The following PCDH15 variants were observed in gnomAD, a reference collection of about 807,000 sequenced individuals.
The protein encoded by PCDH15 is protocadherin related 15.
A neutral mutation model predicts 178.5 loss-of-function variants in PCDH15; 129 were observed. That is an observed-to-expected ratio of 0.72 (90% CI 0.63 to 0.84). The LOEUF is 0.84. Among genes scored for constraint, PCDH15 ranks in the 40% least tolerant of loss-of-function variants. PCDH15 has a pLI of 0.00. For synonymous variants in PCDH15, 800 were observed against 732.0 expected, an observed-to-expected ratio of 1.09 and a Z score of -1.50; for missense variants, 2,230 against 2,099.9, an observed-to-expected ratio of 1.06 and a Z score of -1.21.
At chr10:54,020,083 T>C (rs555375847) in intron 20 of PCDH15, 109 bp downstream of exon 20, 119 of 898,728 alleles carry the variant, frequency 1.3e-4, no homozygotes, top group Non-Finnish European at 1.7e-4. Context: ...CTGGTACCAC[T>C]GTGTCATTAG....
intron 10 of PCDH15, among the ~76,000 whole-genome samples, chr10:54,209,088 T>C (rs976344060): frequency 6.6e-6 from 1 of 152,090 alleles, no homozygotes; most frequent in Non-Finnish European, 1.5e-5. Flanking sequence ...ATTAGCTTTT[T>C]CATTTTCACG....
At chr10:53,922,441 T>C (rs2084080564) in intron 25 of PCDH15, among the ~76,000 whole-genome samples, 1 of 152,178 alleles carries the variant, frequency 6.6e-6, no homozygotes, top group Non-Finnish European at 1.5e-5. Context: ...TTGAAGATTA[T>C]AAAGGTTAGA....
intron 3 of PCDH15, among the ~76,000 whole-genome samples, chr10:54,452,048 G>A (rs946283725): frequency 1.3e-4 from 20 of 151,608 alleles, no homozygotes; most frequent in Admixed American, 8.6e-4. Flanking sequence ...TATATATTTC[G>A]TATATATCAT....
intron 2 of PCDH15, among the ~76,000 whole-genome samples, chr10:54,542,564 A>C (rs747779987): frequency 6.6e-6 from 1 of 152,300 alleles, no homozygotes; most frequent in Non-Finnish European, 1.5e-5. Context: ...TCCATACATC[A>C]CATCTTGCTT....
intron 3 of PCDH15, among the ~76,000 whole-genome samples, chr10:54,451,485 T>C (rs1352906659): frequency 6.6e-6 from 1 of 151,942 alleles, no homozygotes; most frequent in African/African-American, 2.4e-5. Context: ...GCATCTGCGT[T>C]TTGGAAAGTT....
intron 3 of PCDH15, among the ~76,000 whole-genome samples, chr10:54,453,201 C>A (rs1444812611): frequency 6.6e-6 from 1 of 152,050 alleles, no homozygotes; most frequent in African/African-American, 2.4e-5. Flanking sequence ...AAGACACATG[C>A]ACATGTATGT....
intron 3 of PCDH15, among the ~76,000 whole-genome samples, chr10:54,870,267 C>T (rs959106070): frequency 6.6e-6 from 1 of 152,092 alleles, no homozygotes; most frequent in South Asian, 2.1e-4. Context: ...ATTCAGCTAC[C>T]ATGCTCATGA....
chr10:54,059,053 A>G (rs1164627456), intron 18 of PCDH15, among the ~76,000 whole-genome samples: 1 of 151,756 alleles, frequency 6.6e-6, no homozygotes, highest in Non-Finnish European at 1.5e-5. Context: ...CCCATCCTCC[A>G]CCACCACCAC....
chr10:54,844,954 T>A (rs1471857867), intron 3 of PCDH15, among the ~76,000 whole-genome samples: 2 of 151,980 alleles, frequency 1.3e-5, no homozygotes, highest in Admixed American at 6.6e-5. Context: ...GCAGGCTTTT[T>A]AAAATTACCA....
intron 1 of PCDH15, among the ~76,000 whole-genome samples, chr10:54,671,571 A>T (rs2135509566): frequency 6.6e-6 from 1 of 152,274 alleles, no homozygotes; most frequent in Non-Finnish European, 1.5e-5. Context: ...AGGACAATAA[A>T]ATCCATTTTA....
intron 2 of PCDH15, among the ~76,000 whole-genome samples, chr10:55,575,048 C>CA (rs1842471832): frequency 6.6e-6 from 1 of 152,012 alleles, no homozygotes. Context: ...CTTTTACTCA[C>CA]AAAAATCAGA....
chr10:55,083,563 G>C (rs1048073029), intron 2 of PCDH15, among the ~76,000 whole-genome samples: 5 of 151,840 alleles, frequency 3.3e-5, no homozygotes, highest in South Asian at 2.1e-4. Context: ...GTCCTAATTA[G>C]TGTAATCAGA....
rs767978121 is a variant in PCDH15, at chr10:53,986,578, A to G, written c.2868+9071T>C. 1.2e-4 allele frequency among the ~76,000 whole-genome samples: 19 copies of G among 152,212 alleles called. 1 individual carries two copies. The highest frequency in any genetic ancestry group is 7.4e-5 in the Non-Finnish European group (5 of 68,024). On this transcript the variant is annotated intron_variant, in intron 21 of 37. Coordinates refer to ENST00000644397, the MANE Select transcript of PCDH15 (RefSeq NM_001384140.1). ...TATCCAAGATGTGGAAACAGACTAAATGTTCATTGATGGATGAGTGGATAA... is the reference window on the plus strand; with the variant it reads ...TATCCAAGATGTGGAAACAGACTAAGTGTTCATTGATGGATGAGTGGATAA...
At chr10:54,562,120 A>G (rs1392633587) in intron 2 of PCDH15, among the ~76,000 whole-genome samples, 2 of 149,792 alleles carry the variant, frequency 1.3e-5, no homozygotes, top group Non-Finnish European at 2.9e-5. Context: ...CCTCCCAAGT[A>G]GCTGTGAATA....
chr10:54,062,235 AAAAAAAAAAAAAAAAAACAAAAAAC>A (rs1260917472), intron 18 of PCDH15, among the ~76,000 whole-genome samples: 1 of 93,348 alleles, frequency 1.1e-5, no homozygotes, highest in Admixed American at 1.3e-4. Context: ...CTCAAAAAAA[AAAAAAAAAAAAAAAAAACAAAAAAC>A]AACTAAATGA....
At chr10:54,491,177 G>T (rs986801928) in intron 3 of PCDH15, among the ~76,000 whole-genome samples, 1 of 152,048 alleles carries the variant, frequency 6.6e-6, no homozygotes, top group African/African-American at 2.4e-5. Context: ...ATCAGAAAAG[G>T]GTATCTTGTA....
At chr10:54,214,280 TA>T (rs1265241000) in intron 9 of PCDH15, among the ~76,000 whole-genome samples, 1 of 152,196 alleles carries the variant, frequency 6.6e-6, no homozygotes, top group Non-Finnish European at 1.5e-5. Context: ...AAATTTTTTT[TA>T]TTAAGAGGGC....
At position 54,261,833 on chromosome 10, in the gene PCDH15, G is replaced by T. The variant is rs575274541; in HGVS notation, c.877-24902C>A. Among the ~76,000 whole-genome samples, 3 of 152,282 alleles carry T rather than the reference G, an allele frequency of 2.0e-5. No individual in the cohort carries two copies. In the South Asian group the frequency reaches 6.2e-4, roughly 32 times the overall value. On this transcript the variant is annotated intron_variant, in intron 8 of 37. Coordinates refer to ENST00000644397, the MANE Select transcript of PCDH15 (RefSeq NM_001384140.1). ...GGCCAAGGAGATGCAGCTGGGAAGTGCCTCTTCCATGGAGAGGAACCCAAA... is the reference window on the plus strand; with the variant it reads ...GGCCAAGGAGATGCAGCTGGGAAGTTCCTCTTCCATGGAGAGGAACCCAAA...
rs1217836533 is a variant in PCDH15 at position 54,562,857 on chromosome 10, T to C, written c.92-34980A>G. Among the ~76,000 whole-genome samples the C allele has an allele frequency of 2.0e-5, 3 of 152,122 alleles. No individual in the cohort carries two copies. In the East Asian group the frequency reaches 5.8e-4, roughly 29 times the overall value. ...CAAGTAAGGGCCCCTTTTGTCAGTT[T>C]AGTTAGGTCAATATTATACCCACCT... On this transcript the variant is annotated intron_variant, in intron 2 of 37. Coordinates refer to ENST00000644397, the MANE Select transcript of PCDH15 (RefSeq NM_001384140.1).
Sources: gnomAD v4.1 joint callset for allele counts (sites outside exome capture counted in the v4.1 genomes callset) on GRCh38, gnomAD v4.1.1 for gene constraint, MANE v1.5 for transcripts, NCBI Gene and HGNC (gene_info 2026-07-23, HGNC 2026-07-21) for gene names.